Variants in COL6A5 observed in about 807,000 individuals in gnomAD.
The protein encoded by COL6A5 is collagen type VI alpha 5 chain, also known as collagen alpha-5(VI) chain.
In COL6A5, 48 loss-of-function variants were observed where a neutral mutation model predicts 65.6. That is an observed-to-expected ratio of 0.73 (90% CI 0.58 to 0.93). The LOEUF (loss-of-function observed/expected upper bound fraction) is 0.93, where lower values mean the gene tolerates loss of function less well. Among genes scored for constraint, COL6A5 ranks in the 40% least tolerant of loss-of-function variants. The pLI, the probability that COL6A5 is intolerant of heterozygous loss-of-function variation, is 0.00. For missense variants in COL6A5, 914 were observed against 928.3 expected (o/e 0.98, Z 0.20); for synonymous variants, 291 against 322.8 (o/e 0.90, Z 1.05).
intron 24 of COL6A5, among the ~76,000 whole-genome samples, chr3:130,417,471 C>T (rs1206930656): frequency 1.3e-5 from 2 of 152,206 alleles, no homozygotes; most frequent in Admixed American, 6.5e-5. Flanking sequence ...CCCCCTTTCC[C>T]TAGGAGAGAG....
intron 7 of COL6A5, among the ~76,000 whole-genome samples, chr3:130,475,175 T>A (rs1021357204): frequency 6.6e-6 from 1 of 151,904 alleles, no homozygotes; most frequent in Non-Finnish European, 1.5e-5. Flanking sequence ...AACATTTGTT[T>A]CACTAGAATT....
At chr3:130,464,236 A>G (rs1164806786) in intron 5 of COL6A5, among the ~76,000 whole-genome samples, 1 of 151,918 alleles carries the variant, frequency 6.6e-6, no homozygotes, top group Non-Finnish European at 1.5e-5. Context: ...GGTTCAAGCG[A>G]TCCTCCTGCA....
intron 1 of COL6A5, among the ~76,000 whole-genome samples, chr3:130,359,556 A>G (rs1344154294): frequency 6.6e-6 from 1 of 152,138 alleles, no homozygotes; most frequent in Non-Finnish European, 1.5e-5. Flanking sequence ...AAGTTATATC[A>G]AAAATAATTT....
chr3:130,373,734 T>G, intron 2 of COL6A5, 29 bp downstream of exon 2: 1 of 1,380,390 alleles, frequency 7.2e-7, no homozygotes, highest in Non-Finnish European at 9.9e-7. Flanking sequence ...TTTATTATTA[T>G]TTAGGAAATA....
At chr3:130,385,344 G>C (rs773976201) in exon 5 of COL6A5, 2 of 1,550,184 alleles carry the variant, frequency 1.3e-6, no homozygotes, top group Admixed American at 3.9e-5. Context: ...GAAGTCGTTC[G>C]TGAAATCTGC....
chr3:130,475,178 C>T (rs1203100101), intron 7 of COL6A5, among the ~76,000 whole-genome samples: 2 of 151,638 alleles, frequency 1.3e-5, no homozygotes, highest in Non-Finnish European at 2.9e-5. Context: ...ATTTGTTTCA[C>T]TAGAATTCCA....
chr3:130,358,049 C>T (rs1459830781), intron 1 of COL6A5, among the ~76,000 whole-genome samples: 2 of 151,806 alleles, frequency 1.3e-5, no homozygotes, highest in East Asian at 3.9e-4. Context: ...ATTAGCCGGG[C>T]GTGGTGGCGG....
chr3:130,431,192 A>G (rs1937785273), upstream of COL6A5: 4 of 676,894 alleles, frequency 5.9e-6, no homozygotes, highest in Non-Finnish European at 1.1e-5. Context: ...AAGAACTCCC[A>G]CCAATTTCAT....
At chr3:130,404,576 C>T (rs1383775807) in intron 13 of COL6A5, among the ~76,000 whole-genome samples, 1 of 152,238 alleles carries the variant, frequency 6.6e-6, no homozygotes, top group East Asian at 1.9e-4. Context: ...ACTCTGTACC[C>T]TCCAAACTAG....
chr3:130,434,384 C>G (rs748527501), intron 1 of COL6A5, among the ~76,000 whole-genome samples: 4 of 152,166 alleles, frequency 2.6e-5, no homozygotes, highest in Non-Finnish European at 5.9e-5. Flanking sequence ...GTAAATAGTG[C>G]TGCAATAAAC....
At chr3:130,386,583 G>A (rs1380874769) in intron 5 of COL6A5, among the ~76,000 whole-genome samples, 1 of 152,044 alleles carries the variant, frequency 6.6e-6, no homozygotes, top group Non-Finnish European at 1.5e-5. Flanking sequence ...GGTCTTTAGG[G>A]TGTCTTAGAA....
intron 1 of COL6A5, among the ~76,000 whole-genome samples, chr3:130,438,868 A>G (rs1471352220): frequency 6.6e-6 from 1 of 152,198 alleles, no homozygotes; most frequent in Non-Finnish European, 1.5e-5. Flanking sequence ...TGCCCATTAC[A>G]GTGAGTATTA....
chr3:130,471,692 G>A, intron 7 of COL6A5: 1 of 1,534,524 alleles, frequency 6.5e-7, no homozygotes, highest in African/African-American at 1.4e-5. Context: ...ACTTCTTCCT[G>A]GGATATATGA....
intron 5 of COL6A5, among the ~76,000 whole-genome samples, chr3:130,387,493 G>A (rs1936235033): frequency 2.0e-5 from 3 of 152,074 alleles, no homozygotes; most frequent in Non-Finnish European, 4.4e-5. Flanking sequence ...AGGCCACTCT[G>A]TCAAGGCCAC....
chr3:130,395,767 C>G (rs1487001289), intron 8 of COL6A5, among the ~76,000 whole-genome samples: 2 of 152,192 alleles, frequency 1.3e-5, no homozygotes, highest in East Asian at 1.9e-4. Context: ...CTGGATCTCT[C>G]TCTCCTATTT....
intron 7 of COL6A5, among the ~76,000 whole-genome samples, chr3:130,475,887 T>A (rs10804599): frequency 0.2 from 30,506 of 152,010 alleles, 4,112 homozygotes; most frequent in East Asian, 0.39. Context: ...GGAATTAATA[T>A]CCCTAGTACA....
At chr3:130,410,348 A>G (rs2107673778) in intron 19 of COL6A5, 123 bp from the exon 20 acceptor site, 1 of 727,890 alleles carries the variant, frequency 1.4e-6, no homozygotes, top group Non-Finnish European at 2.3e-6. Context: ...AATATGCAGA[A>G]TGATCACAGC....
intron 1 of COL6A5, among the ~76,000 whole-genome samples, chr3:130,353,825 A>G (rs1934812132): frequency 6.6e-6 from 1 of 152,012 alleles, no homozygotes. Flanking sequence ...TTAAAAATTA[A>G]TTTTGGAGGA....
At position 130,395,551 on chromosome 3, in the gene COL6A5, A is replaced by G. The variant is rs1306697784; in HGVS notation, c.3568+86A>G. ...GTGTCTTATGGGCTAGCTCTAGCAG[A>G]GCATATATTTAGAACATATATTTAG... On this transcript the variant is annotated intron_variant and NMD_transcript_variant, in intron 8 of 41. Transcript: ENST00000312481. 6.8e-5 allele frequency: 67 copies of G among 978,846 alleles called. 1 individual carries two copies. In the Admixed American group the frequency reaches 1.7e-3, roughly 25 times the overall value. The allele number at this position is 978,846 out of a possible 1,614,324, so 60.6% of individuals were successfully genotyped here.
Sources: gnomAD v4.1 joint callset for allele counts (sites outside exome capture counted in the v4.1 genomes callset) on GRCh38, gnomAD v4.1.1 for gene constraint, MANE v1.5 for transcripts, NCBI Gene and HGNC (gene_info 2026-07-23, HGNC 2026-07-21) for gene names.